ARID3A: variants seen among roughly 807,000 people sequenced by gnomAD.
ARID3A encodes the protein AT-rich interaction domain 3A.
In ARID3A, 11 loss-of-function variants were observed where a neutral mutation model predicts 52.7. That is an observed-to-expected ratio of 0.21 (90% confidence interval 0.13 to 0.35). The LOEUF (loss-of-function observed/expected upper bound fraction) is 0.35, where lower values mean the gene tolerates loss of function less well. Ranked by LOEUF, ARID3A falls within the 10% of genes least tolerant of loss-of-function variation. The pLI, the probability that ARID3A is intolerant of heterozygous loss-of-function variation, is 1.00. For missense variants in ARID3A, 721 were observed against 838.5 expected (o/e 0.86, Z 1.73); for synonymous variants, 404 against 359.4 (o/e 1.12, Z -1.40).
chr19:949,204 G>A (rs1186649029), intron 3 of ARID3A, among the ~76,000 whole-genome samples: 4 of 152,168 alleles, frequency 2.6e-5, no homozygotes, highest in Non-Finnish European at 2.9e-5. Context: ...CCAGGGGTGT[G>A]GGGAGGCAGT....
chr19:943,239 C>T (rs1010538464), intron 3 of ARID3A, among the ~76,000 whole-genome samples: 193 of 144,274 alleles, frequency 1.3e-3, no homozygotes, highest in Admixed American at 1.8e-3. Context: ...CCAGACTGGG[C>T]GACAGGGCAG....
At position 975,862 on chromosome 19, in the gene ARID3A, T is replaced by C. The variant is rs534090292; in HGVS notation, c.*3797T>C. On this transcript the variant is annotated 3_prime_UTR_variant, in exon 9 of 9. Coordinates refer to ENST00000263620, the MANE Select transcript of ARID3A (RefSeq NM_005224.3). ...GCAGATTGTATTTAAACTTCAGAAA[T>C]ATTTAAGACGATTGTAACCCTGTAA... The C allele has an allele frequency of 1.1e-5, 2 of 185,396 alleles. No individual in the cohort carries two copies. The highest frequency in any genetic ancestry group is 1.7e-4 in the East Asian group (2 of 11,476). 11.5% of individuals were successfully genotyped at this position (185,396 alleles called of 1,614,324 possible). A position where few individuals can be genotyped will look rare whatever the true frequency, so the allele number is the denominator to read the frequency against.
chr19:942,433 C>T lies in ARID3A; in HGVS notation c.693+9691C>T, dbSNP rs971405865. Among the ~76,000 whole-genome samples the T allele has an allele frequency of 7.2e-5, 11 of 152,328 alleles. No individual in the cohort carries two copies. In the East Asian group the frequency reaches 1.4e-3, roughly 19 times the overall value. On this transcript the variant is annotated intron_variant, in intron 3 of 8. Coordinates refer to ENST00000263620, the MANE Select transcript of ARID3A (RefSeq NM_005224.3). The surrounding 1 kb of genome is among the most constrained non-coding windows in gnomAD (Gnocchi z 8.1). ...GCCGGGCCGGGAGCCGCTGCGGTGC[C>T]GACCTGGTGGGTGGCACACGGGGGG...
rs947585510 is a variant in ARID3A, at chr19:959,305, G to A, written c.694-787G>A. 2.6e-5 allele frequency among the ~76,000 whole-genome samples: 4 copies of A among 152,130 alleles called. No homozygotes were observed. Among genetic ancestry groups the A allele is most frequent in the Non-Finnish European group, 5.9e-5 (4 of 68,018 alleles). ...GTTTTGTTTTTAGAGACAGGGTTGC[G>A]TTCTGTCGCCCAGGCTGGAGTGCAG... On this transcript the variant is annotated intron_variant, in intron 3 of 8. Transcript: ENST00000263620. The surrounding 1 kb of genome is among the most constrained non-coding windows in gnomAD (Gnocchi z 5.0).
chr19:971,860 C>T lies in ARID3A; in HGVS notation c.1595-18C>T. 1 of 1,592,490 alleles carries T rather than the reference C, an allele frequency of 6.3e-7. No individual in the cohort carries two copies. Among genetic ancestry groups the T allele is most frequent in the Non-Finnish European group, 8.5e-7 (1 of 1,170,622 alleles). On this transcript the variant is annotated intron_variant, in intron 8 of 8. Transcript: ENST00000263620. ...TTCTTAAACTCTGCATGGCATATGT[C>T]TTCTGTTCTTGCCTTAGGAGTTCTG...
rs139581384 is a variant in ARID3A at position 954,016 on chromosome 19, T to A, written c.694-6076T>A. 8.2e-3 allele frequency among the ~76,000 whole-genome samples: 1,241 copies of A among 152,234 alleles called. 55 individuals are homozygous for A. The highest frequency in any genetic ancestry group is 0.072 in the Admixed American group (1,101 of 15,288). ...CTGCAGTGAGCTAGGGTCTCACCAC[T>A]GCACTCCAGCCTGAGTGACAGAGCG... On this transcript the variant is annotated intron_variant, in intron 3 of 8. Coordinates refer to ENST00000263620, the MANE Select transcript of ARID3A (RefSeq NM_005224.3).
chr19:974,362 C>T lies in ARID3A; in HGVS notation c.*2297C>T, dbSNP rs1442976832. On this transcript the variant is annotated 3_prime_UTR_variant, in exon 9 of 9. Transcript: ENST00000263620. ...CAGCACCGTAGCAGCACAATCACCC[C>T]GGGAAGGGGGTGTCTGTTTGCCTCC... 8.3e-5 allele frequency: 19 copies of T among 229,262 alleles called. No individual in the cohort carries two copies. The South Asian group carries it at 2.4e-3, about 29-fold the overall frequency. 14.2% of individuals were successfully genotyped at this position (229,262 alleles called of 1,614,324 possible). A position where few individuals can be genotyped will look rare whatever the true frequency, so the allele number is the denominator to read the frequency against.
chr19:952,438 T>A (rs2037818672), intron 3 of ARID3A, among the ~76,000 whole-genome samples: 2 of 37,612 alleles, frequency 5.3e-5, no homozygotes, highest in Admixed American at 4.5e-4. Context: ...CGAGACCCTG[T>A]CTCAAAAAAA....
In ARID3A at chr19:974,793, C is replaced by T. The variant is rs1171207641; in HGVS notation, c.*2728C>T. 3.5e-5 allele frequency: 7 copies of T among 199,636 alleles called. No homozygotes were observed. The highest frequency in any genetic ancestry group is 5.9e-5 in the Non-Finnish European group (6 of 102,188). The allele number at this position is 199,636 out of a possible 1,614,324, so 12.4% of individuals were successfully genotyped here. On this transcript the variant is annotated 3_prime_UTR_variant, in exon 9 of 9. Coordinates refer to ENST00000263620, the MANE Select transcript of ARID3A (RefSeq NM_005224.3). ...GTCTGTGGGCGATCCGGCCTCCCGG[C>T]GGTGGGTGGACCTGGATTCTAACTC...
chr19:945,740 T>C (rs1213095071), intron 3 of ARID3A, among the ~76,000 whole-genome samples: 3 of 152,016 alleles, frequency 2.0e-5, no homozygotes, highest in Admixed American at 6.5e-5. Flanking sequence ...TGTCCCATTG[T>C]GGGGACGGCG....
In ARID3A at chr19:964,868, A is replaced by T; in HGVS notation, c.986A>T (p.Lys329Met). 1 of 1,613,990 alleles carries T rather than the reference A, an allele frequency of 6.2e-7. No homozygotes were observed. The highest frequency in any genetic ancestry group is 8.5e-7 in the Non-Finnish European group (1 of 1,179,990). Residue 329 changes from lysine to methionine, a missense_variant, in exon 6 of 9, where the codon AAG becomes ATG. Lys to Met is a moderately conservative substitution (Grantham distance 95). Coordinates refer to ENST00000263620, the MANE Select transcript of ARID3A (RefSeq NM_005224.3). The surrounding 1 kb of genome is among the most constrained non-coding windows in gnomAD (Gnocchi z 5.7). ...MKYLYPYECE[K>M]RGLSNPNELQ... is the part of the protein sequence containing the mutation. ...TACCTGTACCCCTACGAGTGTGAGA[A>T]GCGGGGCCTCAGTAACCCCAATGAG...
intron 3 of ARID3A, among the ~76,000 whole-genome samples, chr19:951,328 G>A (rs1037222311): frequency 4.6e-5 from 7 of 151,548 alleles, no homozygotes; most frequent in South Asian, 2.1e-4. Context: ...AGGCCGAGGC[G>A]GGCGGATCAC....
rs113750778 is a variant in ARID3A, at chr19:974,156, G to A, written c.*2091G>A. ...AGACCCCTGGGGAGGGGGCTGGGGGGCTTCTGAGCCCCTGAGTCTAGGTTC... is the reference window on the plus strand; with the variant it reads ...AGACCCCTGGGGAGGGGGCTGGGGGACTTCTGAGCCCCTGAGTCTAGGTTC... On this transcript the variant is annotated 3_prime_UTR_variant, in exon 9 of 9. Coordinates refer to ENST00000263620, the MANE Select transcript of ARID3A (RefSeq NM_005224.3). 5.5e-4 allele frequency: 124 copies of A among 225,910 alleles called. 1 individual carries two copies. Among genetic ancestry groups the A allele is most frequent in the African/African-American group, 2.6e-3 (117 of 44,990 alleles). 14.0% of individuals were successfully genotyped at this position (225,910 alleles called of 1,614,324 possible). A position where few individuals can be genotyped will look rare whatever the true frequency, so the allele number is the denominator to read the frequency against.
chr19:958,254 G>T (rs562016648), intron 3 of ARID3A: 2 of 151,236 alleles, frequency 1.3e-5, no homozygotes, highest in African/African-American at 4.9e-5. Context: ...GTGAAACTCC[G>T]TCTCTACTAA....
chr19:933,235 G>T (rs1438589789), intron 3 of ARID3A, among the ~76,000 whole-genome samples: 2 of 152,134 alleles, frequency 1.3e-5, no homozygotes, highest in Admixed American at 6.5e-5. Flanking sequence ...AGGTGTGGCT[G>T]CAGGAGACGC....
At chr19:946,319 T>C (rs1346759940) in intron 3 of ARID3A, among the ~76,000 whole-genome samples, 2 of 152,140 alleles carry the variant, frequency 1.3e-5, no homozygotes, top group Non-Finnish European at 2.9e-5. Flanking sequence ...TGGAGTGCAG[T>C]GGTGCGATCT....
At chr19:937,505 G>A (rs548261878) in intron 3 of ARID3A, among the ~76,000 whole-genome samples, 10 of 152,150 alleles carry the variant, frequency 6.6e-5, no homozygotes, top group South Asian at 2.1e-4. Context: ...TGCTGTACAC[G>A]TTTTTATGTG....
Position 929,419 on chromosome 19 carries a change from C to T in ARID3A, c.-110C>T, listed in dbSNP as rs1031519217. ...TGCCCCGGCTCCCCCGCGGCCCCCA[C>T]GCTGCAGTGCGGCCGGGCCCCCTCC... On this transcript the variant is annotated 5_prime_UTR_variant, in exon 2 of 9. It adds an upstream start codon to the 5' untranslated region. Transcript: ENST00000263620. The surrounding 1 kb of genome is among the most constrained non-coding windows in gnomAD (Gnocchi z 6.2). 8.4e-6 allele frequency: 10 copies of T among 1,191,600 alleles called. No individual in the cohort carries two copies. The highest frequency in any genetic ancestry group is 1.1e-5 in the Non-Finnish European group (10 of 937,214). The allele number at this position is 1,191,600 out of a possible 1,614,324, so 73.8% of individuals were successfully genotyped here. A position where few individuals can be genotyped will look rare whatever the true frequency, so the allele number is the denominator to read the frequency against.
At chr19:937,929 C>T (rs4284748) in intron 3 of ARID3A, among the ~76,000 whole-genome samples, 4,359 of 151,808 alleles carry the variant, frequency 0.029, 107 homozygotes, top group African/African-American at 0.069. Flanking sequence ...AGGATGGTCT[C>T]GATCTCTTGA....
Sources: allele counts gnomAD v4.1 joint callset (sites outside exome capture counted in the v4.1 genomes callset), GRCh38; gene constraint gnomAD v4.1.1; non-coding constraint Gnocchi (gnomAD v3.1); transcripts MANE v1.5; gene names NCBI Gene and HGNC (gene_info 2026-07-23, HGNC 2026-07-21).